MSRA: variants seen among roughly 807,000 people sequenced by gnomAD.
MSRA encodes the protein mitochondrial peptide methionine sulfoxide reductase.
Under a neutral mutation model 31.3 loss-of-function variants are expected in MSRA, and 54 were observed. The observed-to-expected ratio is 1.73, with a 90% CI of 1.39 to 2.17. MSRA has a LOEUF of 2.17. MSRA is among the 30% of genes most tolerant of loss of function. The pLI, the probability that MSRA is intolerant of heterozygous loss-of-function variation, is 0.00. For missense variants in MSRA, 507 were observed against 300.9 expected (o/e 1.69, Z -5.07); for synonymous variants, 169 against 116.5 (o/e 1.45, Z -2.90).
At position 10,339,740 on chromosome 8, in the gene MSRA, A is replaced by G. The variant is rs528928797; in HGVS notation, c.543+19751A>G. Among the ~76,000 whole-genome samples, 45 of 150,446 alleles carry G rather than the reference A, an allele frequency of 3.0e-4. No homozygotes were observed. The South Asian group carries it at 7.8e-3, about 26-fold the overall frequency. ...GTATTTTTAGTAGAGATGGGGTTTC[A>G]CCGTGTTAGCCAGGCTGGTCTCAAT... On this transcript the variant is annotated intron_variant, in intron 5 of 5. Coordinates refer to ENST00000317173, the MANE Select transcript of MSRA (RefSeq NM_012331.5).
chr8:10,054,803 G>A, intron 1 of MSRA, 145 bp downstream of exon 1: 1 of 901,200 alleles, frequency 1.1e-6, no homozygotes, highest in Non-Finnish European at 1.5e-6. Context: ...GGCGCGAAGG[G>A]GCGCCGGCAG....
At chr8:10,230,315 A>G (rs923499616) in intron 2 of MSRA, among the ~76,000 whole-genome samples, 6 of 152,206 alleles carry the variant, frequency 3.9e-5, no homozygotes, top group African/African-American at 1.4e-4. Flanking sequence ...TTAAGGGAGA[A>G]GGTTATACCG....
intron 2 of MSRA, among the ~76,000 whole-genome samples, chr8:10,211,266 A>T (rs1041821451): frequency 2.0e-5 from 3 of 152,158 alleles, no homozygotes; most frequent in African/African-American, 7.2e-5. Flanking sequence ...TAGATAGATG[A>T]TTCCTTAAAA....
chr8:10,079,005 G>A (rs1203671871), intron 1 of MSRA, among the ~76,000 whole-genome samples: 6 of 152,186 alleles, frequency 3.9e-5, no homozygotes, highest in African/African-American at 7.2e-5. Context: ...CTGGACATTC[G>A]TGTTGTTCCA....
At chr8:10,336,131 C>G (rs1188410128) in intron 5 of MSRA, among the ~76,000 whole-genome samples, 3 of 152,176 alleles carry the variant, frequency 2.0e-5, no homozygotes, top group Non-Finnish European at 4.4e-5. Flanking sequence ...GAATATGTCA[C>G]TAGTGTTTAA....
chr8:10,396,014 G>T (rs1364134870), intron 5 of MSRA, among the ~76,000 whole-genome samples: 2 of 152,164 alleles, frequency 1.3e-5, no homozygotes, highest in Non-Finnish European at 2.9e-5. Context: ...CTCCATTTCT[G>T]TTGGAATTGC....
intron 1 of MSRA, among the ~76,000 whole-genome samples, chr8:10,158,877 C>T (rs1487527318): frequency 6.6e-6 from 1 of 152,204 alleles, no homozygotes; most frequent in Non-Finnish European, 1.5e-5. Flanking sequence ...TCCACATCCT[C>T]TCCAACGCTT....
intron 2 of MSRA, among the ~76,000 whole-genome samples, chr8:10,223,076 T>A (rs1585206947): frequency 6.6e-6 from 1 of 152,324 alleles, no homozygotes; most frequent in African/African-American, 2.4e-5. Context: ...CACCATAAAA[T>A]TGTGTTTGTC....
At chr8:10,071,360 C>G (rs1043650268) in intron 1 of MSRA, among the ~76,000 whole-genome samples, 1 of 151,784 alleles carries the variant, frequency 6.6e-6, no homozygotes, top group African/African-American at 2.4e-5. Context: ...TTGCTTTACT[C>G]TTCAGCGGAG....
At chr8:10,208,332 A>G (rs1421981670) in intron 2 of MSRA, among the ~76,000 whole-genome samples, 5 of 152,184 alleles carry the variant, frequency 3.3e-5, no homozygotes, top group Admixed American at 6.5e-5. Context: ...ATCATGAATT[A>G]AGCACGCTCC....
At chr8:10,333,744 C>G (rs1406640462) in intron 5 of MSRA, among the ~76,000 whole-genome samples, 4 of 151,636 alleles carry the variant, frequency 2.6e-5, no homozygotes, top group Non-Finnish European at 4.4e-5. Flanking sequence ...ATGTTCGCAT[C>G]ACGCTTGGCT....
rs371407739 is a variant in MSRA at position 10,116,858 on chromosome 8, T to G, written c.142+62200T>G. ...GGCAGATGCCTGTAATCCCAGCTAC[T>G]TGGGAGGCGAGGCAGGAGAATCGCT... On this transcript the variant is annotated intron_variant, in intron 1 of 5. Coordinates refer to ENST00000317173, the MANE Select transcript of MSRA (RefSeq NM_012331.5). Among the ~76,000 whole-genome samples, 31 of 152,202 alleles carry G rather than the reference T, an allele frequency of 2.0e-4. 1 individual carries two copies. Among genetic ancestry groups the G allele is most frequent in the African/African-American group, 7.5e-4 (31 of 41,532 alleles).
chr8:10,347,890 A>G (rs1803883925), intron 5 of MSRA, among the ~76,000 whole-genome samples: 1 of 152,172 alleles, frequency 6.6e-6, no homozygotes, highest in African/African-American at 2.4e-5. Flanking sequence ...CCTTGTCTCC[A>G]GTGGCAGTTA....
At chr8:10,406,202 C>G (rs1807807661) in intron 5 of MSRA, among the ~76,000 whole-genome samples, 1 of 152,236 alleles carries the variant, frequency 6.6e-6, no homozygotes, top group Non-Finnish European at 1.5e-5. Context: ...CAGCAGTGGT[C>G]TCGCAGAAAG....
At chr8:10,375,998 G>T (rs577306466) in intron 5 of MSRA, among the ~76,000 whole-genome samples, 2 of 152,280 alleles carry the variant, frequency 1.3e-5, no homozygotes, top group South Asian at 2.1e-4. Flanking sequence ...TAATCACTCT[G>T]TTCCCCTCCC....
chr8:10,142,406 C>T (rs760499887), intron 1 of MSRA, among the ~76,000 whole-genome samples: 1 of 152,192 alleles, frequency 6.6e-6, no homozygotes, highest in African/African-American at 2.4e-5. Context: ...GGAGATGGCA[C>T]CTGAGGGCTT....
At chr8:10,283,862 CACACACAT>C (rs1353351282) in intron 3 of MSRA, among the ~76,000 whole-genome samples, 2 of 142,194 alleles carry the variant, frequency 1.4e-5, no homozygotes, top group Admixed American at 7.1e-5. Context: ...CACACACACA[CACACACAT>C]ATATATTACA....
chr8:10,382,323 G>A (rs1414854832), intron 5 of MSRA, among the ~76,000 whole-genome samples: 1 of 152,188 alleles, frequency 6.6e-6, no homozygotes, highest in Non-Finnish European at 1.5e-5. Flanking sequence ...CGGCTCTCTT[G>A]AATCTTTAGG....
At chr8:10,353,074 A>G (rs1173714293) in intron 5 of MSRA, among the ~76,000 whole-genome samples, 5 of 152,052 alleles carry the variant, frequency 3.3e-5, no homozygotes, top group African/African-American at 7.2e-5. Context: ...AGAGCATTCC[A>G]GTCCCTTTCT....
Sources: allele counts gnomAD v4.1 joint callset (sites outside exome capture counted in the v4.1 genomes callset), GRCh38; gene constraint gnomAD v4.1.1; transcripts MANE v1.5; gene names NCBI Gene and HGNC (gene_info 2026-07-23, HGNC 2026-07-21).